SLC16A12: variants seen among roughly 807,000 people sequenced by gnomAD.
SLC16A12 encodes monocarboxylate transporter 12.
In SLC16A12, 17 loss-of-function variants were observed where a neutral mutation model predicts 42.4. That is an observed-to-expected ratio of 0.40 (90% CI 0.27 to 0.60). The LOEUF is 0.60. SLC16A12 is among the 20% of genes least tolerant of loss of function. The pLI is 0.42. For missense variants in SLC16A12, 544 were observed against 623.0 expected (o/e 0.87, Z 1.35); for synonymous variants, 224 against 229.4 (o/e 0.98, Z 0.21).
intron 2 of SLC16A12, among the ~76,000 whole-genome samples, chr10:89,554,014 G>A (rs1406037133): frequency 8.0e-6 from 1 of 125,062 alleles, no homozygotes; most frequent in South Asian, 2.6e-4. Flanking sequence ...GAAAGAAAGA[G>A]AGAAAGAAAG....
intron 2 of SLC16A12, among the ~76,000 whole-genome samples, chr10:89,522,132 A>G (rs1843367727): frequency 6.6e-6 from 1 of 152,048 alleles, no homozygotes; most frequent in Non-Finnish European, 1.5e-5. Flanking sequence ...TCAGCCATGT[A>G]CTCCCAAAGC....
chr10:89,477,142 T>C (rs1279649445), intron 2 of SLC16A12, among the ~76,000 whole-genome samples: 1 of 152,232 alleles, frequency 6.6e-6, no homozygotes, highest in Non-Finnish European at 1.5e-5. Context: ...CTGATAGAAA[T>C]AGATATTGTT....
intron 2 of SLC16A12, among the ~76,000 whole-genome samples, chr10:89,499,594 G>A (rs554090365): frequency 9.2e-5 from 14 of 152,258 alleles, no homozygotes; most frequent in Non-Finnish European, 1.8e-4. Flanking sequence ...AAAGTTATTT[G>A]AACTGAATGA....
intron 2 of SLC16A12, among the ~76,000 whole-genome samples, chr10:89,486,591 C>CAAA (rs374359325): frequency 4.7e-5 from 2 of 42,842 alleles, no homozygotes; most frequent in Non-Finnish European, 3.8e-5. Flanking sequence ...AACCTTGTCT[C>CAAA]AAAAAAAAAA....
intron 7 of SLC16A12, among the ~76,000 whole-genome samples, chr10:89,434,481 T>C (rs1841746736): frequency 6.6e-6 from 1 of 152,182 alleles, no homozygotes; most frequent in African/African-American, 2.4e-5. Context: ...TTTTCAAAAA[T>C]GGAGCATTAA....
Position 89,475,972 on chromosome 10 carries a change from T to A in SLC16A12, c.-46-13348A>T, listed in dbSNP as rs1842571433. ...AAATGCTTACTTCTGAGTGGTTGAA[T>A]GTGCAATTCATAACCAGAAGCTTGC... is the stretch of plus-strand genomic sequence containing the variant. On this transcript the variant is annotated intron_variant, in intron 2 of 7. Transcript: ENST00000371790. Among the ~76,000 whole-genome samples the A allele has an allele frequency of 2.0e-5, 3 of 152,200 alleles. No homozygotes were observed. The South Asian group carries it at 6.2e-4, about 32-fold the overall frequency.
chr10:89,446,669 G>A (rs1413962935), intron 3 of SLC16A12, among the ~76,000 whole-genome samples: 4 of 152,198 alleles, frequency 2.6e-5, no homozygotes, highest in Non-Finnish European at 5.9e-5. Context: ...AAATTGTAAA[G>A]ACCATCGATG....
chr10:89,486,967 A>C (rs1842766021), intron 2 of SLC16A12, among the ~76,000 whole-genome samples: 1 of 152,248 alleles, frequency 6.6e-6, no homozygotes, highest in Admixed American at 6.5e-5. Context: ...TCAACCAGTG[A>C]AGTCAAAAGA....
chr10:89,550,753 G>A (rs1285544305), intron 2 of SLC16A12, among the ~76,000 whole-genome samples: 3 of 151,852 alleles, frequency 2.0e-5, no homozygotes, highest in Admixed American at 6.6e-5. Flanking sequence ...GGATGCAGAA[G>A]GCTTTGTGCT....
At chr10:89,500,935 T>C (rs1842984002) in intron 2 of SLC16A12, among the ~76,000 whole-genome samples, 1 of 152,054 alleles carries the variant, frequency 6.6e-6, no homozygotes, top group Non-Finnish European at 1.5e-5. Context: ...ATAAAAGAAC[T>C]CAGCAAAGTT....
At chr10:89,539,585 G>GA (rs1032417064), upstream of SLC16A12, among the ~76,000 whole-genome samples, 1 of 152,066 alleles carries the variant, frequency 6.6e-6, no homozygotes, top group Admixed American at 6.5e-5. Context: ...ACTCAGTACA[G>GA]AAAAAAAGGG....
intron 2 of SLC16A12, among the ~76,000 whole-genome samples, chr10:89,499,162 T>A (rs1428519581): frequency 6.6e-6 from 1 of 152,030 alleles, no homozygotes; most frequent in East Asian, 1.9e-4. Context: ...ATTCAGAAGG[T>A]TAGTTATTAA....
At chr10:89,456,392 G>T (rs1172976140) in intron 3 of SLC16A12, 1 of 152,068 alleles carries the variant, frequency 6.6e-6, no homozygotes, top group Non-Finnish European at 1.5e-5. Flanking sequence ...AGAAAAATAG[G>T]TCTCAGACCT....
chr10:89,436,844 A>G (rs1270365798), intron 6 of SLC16A12, among the ~76,000 whole-genome samples: 50 of 136,348 alleles, frequency 3.7e-4, no homozygotes, highest in African/African-American at 1.3e-3. Flanking sequence ...ATAAGGAGAA[A>G]GAAAGAAAAG....
At chr10:89,488,916 G>A (rs573148455) in intron 2 of SLC16A12, among the ~76,000 whole-genome samples, 4 of 152,222 alleles carry the variant, frequency 2.6e-5, no homozygotes, top group Admixed American at 6.5e-5. Flanking sequence ...ATCAGGAAAC[G>A]ACTGGGGAGT....
intron 2 of SLC16A12, among the ~76,000 whole-genome samples, chr10:89,496,642 C>A (rs556768100): frequency 2.0e-5 from 3 of 152,228 alleles, no homozygotes; most frequent in East Asian, 3.9e-4. Context: ...GTGTATTATA[C>A]AACTGCATAT....
chr10:89,444,106 T>C (rs1841959551), intron 3 of SLC16A12, among the ~76,000 whole-genome samples: 1 of 152,226 alleles, frequency 6.6e-6, no homozygotes, highest in Non-Finnish European at 1.5e-5. Flanking sequence ...AGGAAGGTTT[T>C]ATGGAAACAA....
intron 2 of SLC16A12, among the ~76,000 whole-genome samples, chr10:89,554,491 C>G (rs1273622446): frequency 6.6e-6 from 1 of 152,158 alleles, no homozygotes; most frequent in Non-Finnish European, 1.5e-5. Flanking sequence ...ATGTTATTAT[C>G]TTGTGTTGTT....
intron 2 of SLC16A12, among the ~76,000 whole-genome samples, chr10:89,493,768 T>C (rs1414241662): frequency 3.9e-5 from 6 of 152,166 alleles, no homozygotes; most frequent in Admixed American, 2.6e-4. Flanking sequence ...TTTTTATCTC[T>C]TTTGCCCAAG....
Sources: gnomAD v4.1 joint callset for allele counts (sites outside exome capture counted in the v4.1 genomes callset) on GRCh38, gnomAD v4.1.1 for gene constraint, MANE v1.5 for transcripts, NCBI Gene and HGNC (gene_info 2026-07-23, HGNC 2026-07-21) for gene names.